The following CDH18 variants were observed in gnomAD, a reference collection of about 807,000 sequenced individuals.
CDH18 encodes cadherin 18.
Under a neutral mutation model 67.9 loss-of-function variants are expected in CDH18, and 31 were observed. The observed-to-expected ratio is 0.46, with a 90% CI of 0.34 to 0.62. CDH18 has a LOEUF of 0.62. Ranked by LOEUF, CDH18 falls within the 20% of genes least tolerant of loss-of-function variation. The pLI is 0.01. For synonymous variants in CDH18, 362 were observed against 347.2 expected (o/e 1.04, Z -0.48); for missense variants, 890 against 975.5 (o/e 0.91, Z 1.17).
chr5:19,708,466 G>A (rs1764243646), intron 5 of CDH18, among the ~76,000 whole-genome samples: 1 of 152,114 alleles, frequency 6.6e-6, no homozygotes. Flanking sequence ...GGGGGGACAT[G>A]TTGGGAACAG....
chr5:20,326,688 G>A (rs539204828), intron 1 of CDH18, among the ~76,000 whole-genome samples: 4 of 152,030 alleles, frequency 2.6e-5, no homozygotes, highest in East Asian at 1.9e-4. Flanking sequence ...ACAGGTGCCC[G>A]CCACCACACC....
intron 1 of CDH18, among the ~76,000 whole-genome samples, chr5:20,273,241 T>C (rs1745567369): frequency 6.6e-6 from 1 of 152,066 alleles, no homozygotes. Flanking sequence ...ATAGACAATA[T>C]GGTGCCTATA....
At chr5:19,569,887 C>T (rs1365288825) in intron 8 of CDH18, among the ~76,000 whole-genome samples, 1 of 151,968 alleles carries the variant, frequency 6.6e-6, no homozygotes, top group Admixed American at 6.6e-5. Context: ...ACCAAATGTA[C>T]AACTTTTTTG....
chr5:19,556,747 A>G (rs1738513447), intron 8 of CDH18, among the ~76,000 whole-genome samples: 2 of 152,166 alleles, frequency 1.3e-5, no homozygotes, highest in African/African-American at 2.4e-5. Context: ...TTAGAGATCT[A>G]GACATTCAAA....
intron 4 of CDH18, among the ~76,000 whole-genome samples, chr5:19,738,760 G>T (rs1768700697): frequency 6.6e-6 from 1 of 152,066 alleles, no homozygotes; most frequent in South Asian, 2.1e-4. Flanking sequence ...AAGAGGGAGA[G>T]GATCAGGAAA....
intron 1 of CDH18, among the ~76,000 whole-genome samples, chr5:20,395,649 T>C (rs1745222061): frequency 6.6e-6 from 1 of 152,194 alleles, no homozygotes; most frequent in African/African-American, 2.4e-5. Flanking sequence ...AGTTATAATG[T>C]CCCAAAACCC....
intron 1 of CDH18, among the ~76,000 whole-genome samples, chr5:20,352,397 G>T (rs965384089): frequency 6.6e-6 from 1 of 151,824 alleles, no homozygotes; most frequent in Non-Finnish European, 1.5e-5. Flanking sequence ...ATAGATTTTT[G>T]ACTGTGTGGG....
intron 1 of CDH18, among the ~76,000 whole-genome samples, chr5:20,308,408 C>T (rs964917186): frequency 1.1e-4 from 16 of 151,454 alleles, no homozygotes; most frequent in Non-Finnish European, 1.8e-4. Context: ...CCGGGAGTGG[C>T]GGCAGGTGCC....
chr5:19,994,722 TATATATATATATATATAGAGAGAG>T (rs1394083117), intron 2 of CDH18, among the ~76,000 whole-genome samples: 3 of 23,992 alleles, frequency 1.3e-4, no homozygotes, highest in East Asian at 1.3e-3. Flanking sequence ...TATATATATA[TATATATATATATATATAGAGAGAG>T]AGAGAGAGAG....
intron 1 of CDH18, among the ~76,000 whole-genome samples, chr5:20,281,128 T>C (rs1580656948): frequency 6.6e-6 from 1 of 152,304 alleles, no homozygotes; most frequent in South Asian, 2.1e-4. Context: ...GATGAGTAGG[T>C]TGCAAAAATT....
intron 2 of CDH18, among the ~76,000 whole-genome samples, chr5:20,044,166 T>C (rs1740699060): frequency 1.7e-5 from 1 of 57,764 alleles, no homozygotes; most frequent in Admixed American, 2.2e-4. Flanking sequence ...AAGATTCTAT[T>C]TAACTGTTAA....
chr5:19,477,407 A>T (rs1454098047), intron 12 of CDH18, among the ~76,000 whole-genome samples: 2 of 151,880 alleles, frequency 1.3e-5, no homozygotes, highest in Non-Finnish European at 2.9e-5. Flanking sequence ...AAACAAAAAA[A>T]AAATCTCTGT....
At position 19,622,842 on chromosome 5, in the gene CDH18, A is replaced by G. The variant is rs538823178; in HGVS notation, c.644-10241T>C. Among the ~76,000 whole-genome samples the G allele has an allele frequency of 6.6e-5, 10 of 152,294 alleles. No individual in the cohort carries two copies. In the South Asian group the frequency reaches 2.1e-3, roughly 32 times the overall value. On this transcript the variant is annotated intron_variant, in intron 5 of 12. Coordinates refer to ENST00000382275, the MANE Select transcript of CDH18 (RefSeq NM_004934.5). ...GATATGTCAGATGGATGCTTTACCC[A>G]GTATTCCAAACCAACGTCATACGGA...
intron 2 of CDH18, among the ~76,000 whole-genome samples, chr5:20,230,753 T>C (rs1482863058): frequency 1.3e-5 from 2 of 152,158 alleles, no homozygotes; most frequent in East Asian, 3.9e-4. Context: ...TTATTCTAGG[T>C]CTTCTAGAAT....
At chr5:20,350,688 A>G (rs1372964332) in intron 1 of CDH18, among the ~76,000 whole-genome samples, 2 of 152,154 alleles carry the variant, frequency 1.3e-5, no homozygotes, top group Non-Finnish European at 2.9e-5. Flanking sequence ...TTAAGAATCT[A>G]TATGATTATT....
At chr5:20,491,661 A>G (rs2126388491) in intron 1 of CDH18, among the ~76,000 whole-genome samples, 1 of 152,286 alleles carries the variant, frequency 6.6e-6, no homozygotes, top group African/African-American at 2.4e-5. Flanking sequence ...GGAGATCAGG[A>G]TTTTGTAGTA....
At chr5:19,994,855 T>TATATATATATATAG (rs760777430) in intron 2 of CDH18, among the ~76,000 whole-genome samples, 1 of 67,584 alleles carries the variant, frequency 1.5e-5, no homozygotes, top group African/African-American at 7.4e-5. Context: ...TATATATATA[T>TATATATATATATAG]AGAGAGAGAG....
chr5:19,979,531 A>C (rs1001563257), intron 2 of CDH18, among the ~76,000 whole-genome samples: 3 of 151,868 alleles, frequency 2.0e-5, no homozygotes, highest in Admixed American at 1.3e-4. Context: ...TATTTTGTCT[A>C]CTCTTCTTTT....
intron 2 of CDH18, among the ~76,000 whole-genome samples, chr5:20,010,581 CT>C (rs1737344667): frequency 6.6e-6 from 1 of 152,046 alleles, no homozygotes; most frequent in Non-Finnish European, 1.5e-5. Flanking sequence ...ATAAAATTTT[CT>C]ATATCATTCA....
Sources: gnomAD v4.1 joint callset for allele counts (sites outside exome capture counted in the v4.1 genomes callset) on GRCh38, gnomAD v4.1.1 for gene constraint, MANE v1.5 for transcripts, NCBI Gene and HGNC (gene_info 2026-07-23, HGNC 2026-07-21) for gene names.